Variants in CALN1 observed in about 807,000 individuals in gnomAD.
The protein encoded by CALN1 is calcium-binding protein 8.
In CALN1, 17 loss-of-function variants were observed where a neutral mutation model predicts 30.6. The ratio of observed to expected loss-of-function variants is 0.56; its 90% CI spans 0.38 to 0.83. The LOEUF is 0.83. CALN1 is among the 40% of genes least tolerant of loss of function. The probability of loss-of-function intolerance (pLI) is 0.00; values close to 1 mark genes in which losing one functional copy is unlikely to be tolerated. For missense variants in CALN1, 291 were observed against 354.9 expected, an observed-to-expected ratio of 0.82 and a Z score of 1.45; for synonymous variants, 156 against 131.4, an observed-to-expected ratio of 1.19 and a Z score of -1.28.
intron 3 of CALN1, among the ~76,000 whole-genome samples, chr7:72,208,519 A>C (rs917634629): frequency 1.3e-5 from 2 of 152,258 alleles, no homozygotes; most frequent in African/African-American, 4.8e-5. Flanking sequence ...TATGCCTGCT[A>C]CAACAACAGT....
chr7:72,217,434 A>G (rs1213517625), intron 3 of CALN1, among the ~76,000 whole-genome samples: 1 of 152,116 alleles, frequency 6.6e-6, no homozygotes, highest in Non-Finnish European at 1.5e-5. Context: ...ATGCCAATAA[A>G]GCGCTCTCCC....
chr7:72,292,739 T>C (rs1798575346), intron 2 of CALN1, among the ~76,000 whole-genome samples: 1 of 144,192 alleles, frequency 6.9e-6, no homozygotes. Flanking sequence ...GAGAATCACT[T>C]GAACCTGGGA....
At chr7:72,501,954 C>CAT in the CALN1 span, among the ~76,000 whole-genome samples, 4 of 75,882 alleles carry the variant, frequency 5.3e-5, no homozygotes, top group Admixed American at 1.3e-4. Context: ...TATATACACA[C>CAT]ATATATATAT....
At chr7:72,244,836 A>G (rs1471650675) in intron 3 of CALN1, among the ~76,000 whole-genome samples, 1 of 152,178 alleles carries the variant, frequency 6.6e-6, no homozygotes, top group Non-Finnish European at 1.5e-5. Flanking sequence ...AATAACTTAC[A>G]TAACTTGGTG....
At chr7:72,451,683 T>C (rs1323862564), upstream of CALN1, among the ~76,000 whole-genome samples, 1 of 152,162 alleles carries the variant, frequency 6.6e-6, no homozygotes, top group Non-Finnish European at 1.5e-5. Context: ...GCCCACAAGA[T>C]GATCTGCCCC....
chr7:72,320,232 A>G (rs150995515), intron 2 of CALN1, among the ~76,000 whole-genome samples: 1 of 152,312 alleles, frequency 6.6e-6, no homozygotes, highest in East Asian at 1.9e-4. Context: ...CAAGCTGCTG[A>G]CCAGGGCTAG....
chr7:71,998,210 T>G (rs1223283820), intron 5 of CALN1, among the ~76,000 whole-genome samples: 1 of 151,970 alleles, frequency 6.6e-6, no homozygotes, highest in Non-Finnish European at 1.5e-5. Context: ...AACCAAAAAA[T>G]TTACCATGAT....
At chr7:71,812,928 T>C (rs536365478) in intron 5 of CALN1, among the ~76,000 whole-genome samples, 1 of 91,136 alleles carries the variant, frequency 1.1e-5, no homozygotes, top group South Asian at 3.6e-4. Context: ...ATCATCATCA[T>C]CATTATTATT....
chr7:72,339,415 G>A (rs1802280135), intron 2 of CALN1, among the ~76,000 whole-genome samples: 1 of 152,086 alleles, frequency 6.6e-6, no homozygotes, highest in Non-Finnish European at 1.5e-5. Context: ...GACTTGCTGA[G>A]TACCCCTCCC....
intron 2 of CALN1, among the ~76,000 whole-genome samples, chr7:72,382,750 A>T (rs1198295371): frequency 6.6e-6 from 1 of 152,148 alleles, no homozygotes; most frequent in East Asian, 1.9e-4. Context: ...TCAACCTAGC[A>T]TGATAGTCTC....
intron 2 of CALN1, among the ~76,000 whole-genome samples, chr7:72,293,132 G>GC (rs1798610027): frequency 6.6e-6 from 1 of 152,106 alleles, no homozygotes; most frequent in African/African-American, 2.4e-5. Flanking sequence ...CCTGTATCAG[G>GC]CAGTTCAACA....
intron 2 of CALN1, among the ~76,000 whole-genome samples, chr7:72,320,800 A>C (rs1002858134): frequency 1.9e-4 from 26 of 137,912 alleles, no homozygotes; most frequent in Non-Finnish European, 1.1e-4. Flanking sequence ...ACACCACTGC[A>C]CTCTAGCCTG....
intron 5 of CALN1, among the ~76,000 whole-genome samples, chr7:71,811,781 C>T (rs1413661113): frequency 6.6e-6 from 1 of 151,398 alleles, no homozygotes; most frequent in Non-Finnish European, 1.5e-5. Flanking sequence ...CGGGTTCAAG[C>T]AATTCTCCTT....
At chr7:72,011,860 T>G (rs1800100515) in intron 5 of CALN1, among the ~76,000 whole-genome samples, 1 of 152,086 alleles carries the variant, frequency 6.6e-6, no homozygotes, top group Non-Finnish European at 1.5e-5. Context: ...CACACTGGTC[T>G]TGAACTCTGA....
chr7:72,303,821 C>T (rs997464843), intron 2 of CALN1, among the ~76,000 whole-genome samples: 2 of 152,020 alleles, frequency 1.3e-5, no homozygotes, highest in Non-Finnish European at 2.9e-5. Context: ...GCTTAGTGAG[C>T]TCTGATCATG....
chr7:72,156,667 T>TGC (rs1438155896), intron 3 of CALN1, among the ~76,000 whole-genome samples: 4 of 152,218 alleles, frequency 2.6e-5, no homozygotes, highest in Admixed American at 2.0e-4. Flanking sequence ...CATTGGGCCA[T>TGC]GCTCACCACC....
chr7:72,283,279 C>G (rs945136690), intron 2 of CALN1, among the ~76,000 whole-genome samples: 4 of 152,016 alleles, frequency 2.6e-5, no homozygotes, highest in Admixed American at 2.0e-4. Context: ...AATCCCAGCA[C>G]TTTGGGAGGC....
At chr7:72,431,274 G>C (rs893861887) in intron 1 of CALN1, among the ~76,000 whole-genome samples, 10 of 152,124 alleles carry the variant, frequency 6.6e-5, no homozygotes, top group Middle Eastern at 3.4e-3. Flanking sequence ...TATTAGTAGT[G>C]GTGGGCCCTT....
At chr7:72,398,333 C>T (rs1237475194) in intron 2 of CALN1, among the ~76,000 whole-genome samples, 1 of 152,192 alleles carries the variant, frequency 6.6e-6, no homozygotes, top group African/African-American at 2.4e-5. Context: ...GAAAAGTTCC[C>T]TTTGAATTTC....
Sources: allele counts gnomAD v4.1 joint callset (sites outside exome capture counted in the v4.1 genomes callset), GRCh38; gene constraint gnomAD v4.1.1; transcripts MANE v1.5; gene names NCBI Gene and HGNC (gene_info 2026-07-23, HGNC 2026-07-21).